Variants in SLC4A10 observed in about 807,000 individuals in gnomAD.
SLC4A10 encodes solute carrier family 4 member 10.
Under a neutral mutation model 137.7 loss-of-function variants are expected in SLC4A10, and 42 were observed. The observed-to-expected ratio is 0.30, with a 90% CI of 0.24 to 0.39. The LOEUF is 0.39. SLC4A10 is among the 10% of genes least tolerant of loss of function. The pLI is 1.00. For missense variants in SLC4A10, 925 were observed against 1,355.0 expected, an observed-to-expected ratio of 0.68 and a Z score of 4.98; for synonymous variants, 474 against 464.1, an observed-to-expected ratio of 1.02 and a Z score of -0.27.
chr2:161,937,177 G>A (rs957605412), intron 15 of SLC4A10, among the ~76,000 whole-genome samples: 3 of 151,638 alleles, frequency 2.0e-5, no homozygotes, highest in Non-Finnish European at 4.4e-5. Flanking sequence ...ATTTCTAGTC[G>A]CATACCATTG....
chr2:161,852,626 G>C (rs750760606), intron 4 of SLC4A10, among the ~76,000 whole-genome samples: 8 of 152,154 alleles, frequency 5.3e-5, no homozygotes, highest in Non-Finnish European at 1.2e-4. Flanking sequence ...CTCCAGACAT[G>C]GATGAAAATT....
rs75279083 is a variant in SLC4A10, at chr2:161,824,295, G to A, written c.278-15494G>A. On this transcript the variant is annotated intron_variant, in intron 3 of 26. Coordinates refer to ENST00000446997, the MANE Select transcript of SLC4A10 (RefSeq NM_001178015.2). ...TAATGTGGAAGAGAACCCCAATAGA[G>A]AAGACATCATGAAACTCTAGATGGA... Among the ~76,000 whole-genome samples, 135 of 152,248 alleles carry A rather than the reference G, an allele frequency of 8.9e-4. 1 individual carries two copies. In the East Asian group the frequency reaches 0.023, roughly 26 times the overall value.
chr2:161,780,937 C>T (rs2052938931), intron 2 of SLC4A10, among the ~76,000 whole-genome samples: 1 of 151,920 alleles, frequency 6.6e-6, no homozygotes, highest in African/African-American at 2.4e-5. Context: ...TTCTAATTTT[C>T]TGTCAAAACA....
At chr2:161,907,575 AG>A (rs142346531) in intron 15 of SLC4A10, among the ~76,000 whole-genome samples, 31 of 152,314 alleles carry the variant, frequency 2.0e-4, no homozygotes, top group African/African-American at 7.5e-4. Context: ...CCGGGTTAAG[AG>A]GTTGGTACAG....
chr2:161,693,522 T>C (rs1301285009), intron 1 of SLC4A10, among the ~76,000 whole-genome samples: 1 of 152,018 alleles, frequency 6.6e-6, no homozygotes, highest in African/African-American at 2.4e-5. Flanking sequence ...TTGCTATATC[T>C]GGCTTTTATT....
intron 16 of SLC4A10, among the ~76,000 whole-genome samples, chr2:161,945,182 G>GTGTGTATATGTA (rs1185711774): frequency 1.1e-5 from 1 of 88,830 alleles, no homozygotes; most frequent in East Asian, 5.3e-4. Flanking sequence ...AAGTTTGTGT[G>GTGTGTATATGTA]TATATATATA....
intron 1 of SLC4A10, among the ~76,000 whole-genome samples, chr2:161,689,040 GTATA>G (rs2041721030): frequency 6.6e-6 from 1 of 152,000 alleles, no homozygotes; most frequent in Non-Finnish European, 1.5e-5. Context: ...TATAGGATAA[GTATA>G]TAAAGATTGA....
At chr2:161,818,699 T>G (rs1189500202) in intron 3 of SLC4A10, among the ~76,000 whole-genome samples, 3 of 152,216 alleles carry the variant, frequency 2.0e-5, no homozygotes, top group African/African-American at 7.2e-5. Flanking sequence ...GGTTGTTGAA[T>G]TTTGTCAAAG....
chr2:161,677,245 C>T lies in SLC4A10; in HGVS notation c.48+52679C>T, dbSNP rs368438467. On this transcript the variant is annotated intron_variant, in intron 1 of 26. Coordinates refer to ENST00000446997, the MANE Select transcript of SLC4A10 (RefSeq NM_001178015.2). The stretch of plus-strand genomic sequence containing the variant: ...TGTGACCTCTGCACATGTTGCTCCC[C>T]TTGCCTTCCACCACAAGTGAAAGCA... Among the ~76,000 whole-genome samples, 50 of 152,252 alleles carry T rather than the reference C, an allele frequency of 3.3e-4. 1 individual carries two copies. The South Asian group carries it at 9.7e-3, about 30-fold the overall frequency.
At chr2:161,689,222 C>T (rs939646769) in intron 1 of SLC4A10, among the ~76,000 whole-genome samples, 81 of 152,044 alleles carry the variant, frequency 5.3e-4, no homozygotes, top group African/African-American at 1.7e-3. Context: ...GTGTATCGTA[C>T]GGTGTTTATG....
chr2:161,715,678 T>A (rs542484277), intron 1 of SLC4A10, among the ~76,000 whole-genome samples: 1 of 152,128 alleles, frequency 6.6e-6, no homozygotes, highest in Non-Finnish European at 1.5e-5. Flanking sequence ...ATCTAATTCC[T>A]TTCTATGGCC....
chr2:161,630,243 T>C (rs1490400055), intron 1 of SLC4A10, among the ~76,000 whole-genome samples: 1 of 151,862 alleles, frequency 6.6e-6, no homozygotes, highest in African/African-American at 2.4e-5. Flanking sequence ...TAATATTTTG[T>C]AGAGAGTTTT....
intron 1 of SLC4A10, among the ~76,000 whole-genome samples, chr2:161,761,595 G>A (rs757171038): frequency 1.3e-5 from 2 of 152,010 alleles, no homozygotes; most frequent in Non-Finnish European, 2.9e-5. Flanking sequence ...AGGCAAAAAT[G>A]CAGGTTTCGC....
chr2:161,674,930 A>C (rs774744910), intron 1 of SLC4A10, among the ~76,000 whole-genome samples: 1 of 152,132 alleles, frequency 6.6e-6, no homozygotes, highest in Non-Finnish European at 1.5e-5. Context: ...CAAACCAAAC[A>C]CCTTTAAGCA....
rs2043685857 is a variant in SLC4A10 at position 161,706,577 on chromosome 2, T to A, written c.49-64396T>A. On this transcript the variant is annotated intron_variant, in intron 1 of 26. Coordinates refer to ENST00000446997, the MANE Select transcript of SLC4A10 (RefSeq NM_001178015.2). ...ATTTGTCTCCCGTCCTCCAGTTTTG[T>A]TTTACTCAATTGATTGTCTATAGAG... is the stretch of plus-strand genomic sequence containing the variant. 1.3e-5 allele frequency among the ~76,000 whole-genome samples: 2 copies of A among 151,622 alleles called. 1 individual carries two copies. The highest frequency in any genetic ancestry group is 1.3e-4 in the Admixed American group (2 of 15,148).
At chr2:161,869,408 ATATT>A (rs2060968911) in intron 6 of SLC4A10, among the ~76,000 whole-genome samples, 1 of 151,720 alleles carries the variant, frequency 6.6e-6, no homozygotes, top group African/African-American at 2.4e-5. Context: ...AGAGAAAAAT[ATATT>A]TAAACAATGA....
intron 4 of SLC4A10, among the ~76,000 whole-genome samples, chr2:161,840,981 A>G (rs766751541): frequency 6.6e-6 from 1 of 152,160 alleles, no homozygotes; most frequent in Non-Finnish European, 1.5e-5. Context: ...GTTGGGTTGG[A>G]GTTAGCTAGG....
Position 161,879,286 on chromosome 2 carries a change from C to T in SLC4A10, c.1104C>T (p.Thr368=). ...GACTGGCTGAAGTCCCAATCCCAACCAGGTAAAAAGTATAAAAGCGTCTTT... is the reference window on the plus strand; with the variant it reads ...GACTGGCTGAAGTCCCAATCCCAACTAGGTAAAAAGTATAAAAGCGTCTTT... ...LQGLAEVPIP[T]RFLFILLGPL... Residue 368 remains threonine (T), a splice_region_variant and synonymous_variant, in exon 9 of 27, where the codon ACC becomes ACT. Transcript: ENST00000446997. The T allele has an allele frequency of 6.2e-7, 1 of 1,607,802 alleles. No individual in the cohort carries two copies. The highest frequency in any genetic ancestry group is 1.1e-5 in the South Asian group (1 of 90,234).
Position 161,958,533 on chromosome 2 carries a change from C to T in SLC4A10, c.2840C>T (p.Ala947Val), listed in dbSNP as rs1370425233. The stretch of plus-strand genomic sequence containing the variant: ...TATGGAGTGTTTCTTTATATGGGTG[C>T]TTCATCTCTAAAGGGAATTCAGGTA... Reference protein sequence around the residue: ...VLYGVFLYMGASSLKGIQFFD... With the variant: ...VLYGVFLYMGVSSLKGIQFFD... The change falls in exon 21 of 27, where the codon GCT becomes GTT. Residue 947 changes from alanine to valine, a missense_variant. Ala to Val is a moderately conservative substitution (Grantham distance 64, BLOSUM62 0). Transcript: ENST00000446997. 1.9e-6 allele frequency: 3 copies of T among 1,610,636 alleles called. No homozygotes were observed. Among genetic ancestry groups the T allele is most frequent in the Non-Finnish European group, 2.5e-6 (3 of 1,178,248 alleles).
Sources: allele counts gnomAD v4.1 joint callset (sites outside exome capture counted in the v4.1 genomes callset), GRCh38; gene constraint gnomAD v4.1.1; transcripts MANE v1.5; gene names NCBI Gene and HGNC (gene_info 2026-07-23, HGNC 2026-07-21).